Variants in SCHIP1 observed in about 807,000 individuals in gnomAD.
SCHIP1 encodes schwannomin-interacting protein 1.
SCHIP1 carries 8 observed loss-of-function variants against 29.7 expected under a neutral mutation model. The ratio of observed to expected loss-of-function variants is 0.27; its 90% CI spans 0.16 to 0.49. The LOEUF (loss-of-function observed/expected upper bound fraction) is 0.49. Among genes scored for constraint, SCHIP1 ranks in the 20% least tolerant of loss-of-function variants. SCHIP1 has a pLI of 0.99. For missense variants in SCHIP1, 193 were observed against 294.6 expected (o/e 0.66, Z 2.52); for synonymous variants, 76 against 94.9 (o/e 0.80, Z 1.16).
chr3:159,471,193 G>A, the SCHIP1 span, among the ~76,000 whole-genome samples: 3 of 152,110 alleles, frequency 2.0e-5, no homozygotes, highest in Non-Finnish European at 2.9e-5. Context: ...GGAGTTGTTT[G>A]CCTTTAGTCC....
chr3:159,394,890 G>C, the SCHIP1 span, among the ~76,000 whole-genome samples: 1 of 152,090 alleles, frequency 6.6e-6, no homozygotes, highest in Non-Finnish European at 1.5e-5. Context: ...AGAAGGAATG[G>C]TACCAGTTCC....
At position 159,849,024 on chromosome 3, in the gene SCHIP1, G is replaced by T. The variant is rs141039650; in HGVS notation, c.30+8810G>T. ...TTCAGGAGCAGATGTTCTATCACTT[G>T]TCTCTGTATAGTGCTTATTAGAGAA... On this transcript the variant is annotated intron_variant, in intron 1 of 6. Transcript: ENST00000445224. Among the ~76,000 whole-genome samples, 4 of 150,920 alleles carry T rather than the reference G, an allele frequency of 2.7e-5. No individual in the cohort carries two copies. The East Asian group carries it at 8.0e-4, about 30-fold the overall frequency.
chr3:159,421,188 T>G, the SCHIP1 span, among the ~76,000 whole-genome samples: 13 of 152,230 alleles, frequency 8.5e-5, no homozygotes, highest in Non-Finnish European at 4.4e-5. Flanking sequence ...TGTCACCTTT[T>G]GATATACTAT....
the SCHIP1 span, among the ~76,000 whole-genome samples, chr3:159,485,365 A>C: frequency 8.5e-5 from 13 of 152,206 alleles, no homozygotes; most frequent in African/African-American, 3.1e-4. Context: ...ACATAGTACC[A>C]GGCTTATTAA....
the SCHIP1 span, among the ~76,000 whole-genome samples, chr3:159,502,096 A>T: frequency 6.6e-6 from 1 of 152,252 alleles, no homozygotes; most frequent in Admixed American, 6.5e-5. Flanking sequence ...ATATGAATTT[A>T]AGAAACAAAT....
intron 2 of SCHIP1, among the ~76,000 whole-genome samples, chr3:159,884,227 A>AG (rs1487072030): frequency 5.9e-5 from 9 of 152,098 alleles, no homozygotes. Flanking sequence ...TATTATTAAA[A>AG]GGGGGTTGAT....
At chr3:159,695,878 C>A in the SCHIP1 span, among the ~76,000 whole-genome samples, 37 of 152,266 alleles carry the variant, frequency 2.4e-4, 1 homozygote, top group South Asian at 7.3e-3. Context: ...CACTAACCTT[C>A]CTCATCCACT....
the SCHIP1 span, among the ~76,000 whole-genome samples, chr3:159,590,879 G>A: frequency 6.6e-6 from 1 of 152,046 alleles, no homozygotes; most frequent in African/African-American, 2.4e-5. Context: ...TGCATCCTGG[G>A]GAAGCTTCCT....
chr3:159,273,938 G>A, the SCHIP1 span: 2 of 1,594,264 alleles, frequency 1.3e-6, no homozygotes, highest in South Asian at 1.1e-5. Context: ...TTTTACAAAT[G>A]AAGAGAGAAA....
At chr3:159,879,595 G>A (rs575336557) in intron 2 of SCHIP1, among the ~76,000 whole-genome samples, 2 of 152,292 alleles carry the variant, frequency 1.3e-5, no homozygotes, top group South Asian at 2.1e-4. Context: ...TGCTGCCTAC[G>A]AGAGATGGCT....
the SCHIP1 span, among the ~76,000 whole-genome samples, chr3:159,438,957 G>A: frequency 6.6e-6 from 1 of 152,126 alleles, no homozygotes; most frequent in Non-Finnish European, 1.5e-5. Flanking sequence ...ACACATGCAT[G>A]CATGTATTTT....
chr3:159,528,809 A>G, the SCHIP1 span, among the ~76,000 whole-genome samples: 1 of 152,242 alleles, frequency 6.6e-6, no homozygotes, highest in Non-Finnish European at 1.5e-5. Flanking sequence ...GTAATCTGCA[A>G]AATCTAATTT....
the SCHIP1 span, among the ~76,000 whole-genome samples, chr3:159,336,093 A>C: frequency 1.3e-5 from 2 of 152,232 alleles, no homozygotes; most frequent in Non-Finnish European, 2.9e-5. Flanking sequence ...TCTGATGGCC[A>C]GTGATGATGA....
chr3:159,651,719 C>CT, the SCHIP1 span, among the ~76,000 whole-genome samples: 8 of 152,120 alleles, frequency 5.3e-5, no homozygotes, highest in South Asian at 2.1e-4. Context: ...AGTAAGCAAA[C>CT]TTTTTTTACT....
At chr3:159,843,952 G>A (rs1235457919) in intron 1 of SCHIP1, among the ~76,000 whole-genome samples, 1 of 151,714 alleles carries the variant, frequency 6.6e-6, no homozygotes. Context: ...TTGTGTGTGA[G>A]CTGGTTATCT....
the SCHIP1 span, among the ~76,000 whole-genome samples, chr3:159,345,626 C>T: frequency 1.8e-4 from 28 of 152,024 alleles, no homozygotes; most frequent in Non-Finnish European, 3.5e-4. Flanking sequence ...TGAGGTACCA[C>T]CGATCCTCAC....
the SCHIP1 span, among the ~76,000 whole-genome samples, chr3:159,543,226 T>C: frequency 1.9e-4 from 29 of 151,662 alleles, no homozygotes; most frequent in Non-Finnish European, 2.2e-4. Flanking sequence ...ATTATTATTA[T>C]ACTTTAAGTT....
At chr3:159,391,492 C>T in the SCHIP1 span, among the ~76,000 whole-genome samples, 1 of 152,044 alleles carries the variant, frequency 6.6e-6, no homozygotes, top group Admixed American at 6.6e-5. Context: ...CGCAGTGGGG[C>T]ATTTGCCTGA....
At chr3:159,746,745 T>C in the SCHIP1 span, among the ~76,000 whole-genome samples, 1 of 152,240 alleles carries the variant, frequency 6.6e-6, no homozygotes, top group African/African-American at 2.4e-5. Context: ...CCAGCTATTC[T>C]ATACCAAACT....
Sources: gnomAD v4.1 joint callset for allele counts (sites outside exome capture counted in the v4.1 genomes callset) on GRCh38, gnomAD v4.1.1 for gene constraint, MANE v1.5 for transcripts, NCBI Gene and HGNC (gene_info 2026-07-23, HGNC 2026-07-21) for gene names.